Variants in LHFPL3 observed in about 807,000 individuals in gnomAD.
The protein encoded by LHFPL3 is LHFPL tetraspan subfamily member 3.
In LHFPL3, 5 loss-of-function variants were observed where a neutral mutation model predicts 19.3. That is an observed-to-expected ratio of 0.26 (90% confidence interval 0.14 to 0.54). The LOEUF (loss-of-function observed/expected upper bound fraction) is 0.54. Among genes scored for constraint, LHFPL3 ranks in the 20% least tolerant of loss-of-function variants. LHFPL3 has a pLI of 0.94. For synonymous variants in LHFPL3, 133 were observed against 126.2 expected (o/e 1.05, Z -0.36); for missense variants, 249 against 307.4 (o/e 0.81, Z 1.42).
At chr7:104,519,593 G>C (rs1187146034) in intron 1 of LHFPL3, among the ~76,000 whole-genome samples, 1 of 152,072 alleles carries the variant, frequency 6.6e-6, no homozygotes, top group Non-Finnish European at 1.5e-5. Context: ...TGGTTTGTTT[G>C]CTTAATTCAT....
intron 1 of LHFPL3, among the ~76,000 whole-genome samples, chr7:104,568,840 G>T (rs1378298781): frequency 6.6e-6 from 1 of 152,188 alleles, no homozygotes; most frequent in Non-Finnish European, 1.5e-5. Context: ...ACAATGCTCA[G>T]TTAGTTCTTC....
chr7:104,709,977 G>A, intron 1 of LHFPL3, among the ~76,000 whole-genome samples: 1 of 152,216 alleles, frequency 6.6e-6, no homozygotes, highest in Non-Finnish European at 1.5e-5. Context: ...CAGGCGGCTG[G>A]GAGGTGGAGG....
At chr7:104,857,127 A>G (rs1396166399) in intron 2 of LHFPL3, among the ~76,000 whole-genome samples, 1 of 152,184 alleles carries the variant, frequency 6.6e-6, no homozygotes, top group Non-Finnish European at 1.5e-5. Flanking sequence ...CGTTCATTGT[A>G]CACATGAGGA....
intron 1 of LHFPL3, among the ~76,000 whole-genome samples, chr7:104,595,274 A>G (rs1290302329): frequency 6.6e-6 from 1 of 152,150 alleles, no homozygotes. Context: ...TCTGTTTGTT[A>G]GTTTTCCTTG....
At chr7:104,806,108 T>G (rs2116489671) in intron 2 of LHFPL3, among the ~76,000 whole-genome samples, 1 of 152,352 alleles carries the variant, frequency 6.6e-6, no homozygotes, top group African/African-American at 2.4e-5. Flanking sequence ...GAAACAGTTC[T>G]GTCTGTCACA....
intron 1 of LHFPL3, among the ~76,000 whole-genome samples, chr7:104,519,646 T>C (rs1794003441): frequency 6.6e-6 from 1 of 152,138 alleles, no homozygotes; most frequent in Non-Finnish European, 1.5e-5. Flanking sequence ...GAAGAAAACA[T>C]TTTTATTCTT....
chr7:104,734,932 T>G (rs1006990298), intron 1 of LHFPL3, among the ~76,000 whole-genome samples: 2 of 152,228 alleles, frequency 1.3e-5, no homozygotes, highest in Non-Finnish European at 2.9e-5. Context: ...GTTTTCCTTT[T>G]AACAGTCAGG....
intron 2 of LHFPL3, among the ~76,000 whole-genome samples, chr7:104,817,276 T>C (rs147296831): frequency 2.5e-4 from 38 of 152,338 alleles, no homozygotes; most frequent in African/African-American, 8.9e-4. Context: ...ATTTATGTGT[T>C]GAGCAAAGGC....
At chr7:104,389,444 A>G (rs1357268372) in intron 1 of LHFPL3, among the ~76,000 whole-genome samples, 1 of 152,178 alleles carries the variant, frequency 6.6e-6, no homozygotes, top group Non-Finnish European at 1.5e-5. Flanking sequence ...ATGCTTCCTT[A>G]AATAACCTAC....
At chr7:104,368,475 G>A (rs1790539631) in intron 1 of LHFPL3, among the ~76,000 whole-genome samples, 1 of 152,150 alleles carries the variant, frequency 6.6e-6, no homozygotes, top group African/African-American at 2.4e-5. Flanking sequence ...TGAATGCAGT[G>A]GATGAGGTAG....
chr7:104,885,622 A>T (rs1295518366), intron 2 of LHFPL3, among the ~76,000 whole-genome samples: 1 of 151,696 alleles, frequency 6.6e-6, no homozygotes, highest in Non-Finnish European at 1.5e-5. Flanking sequence ...CACCACTTCA[A>T]CCACTCCCAG....
chr7:104,386,512 A>G (rs13233951), intron 1 of LHFPL3, among the ~76,000 whole-genome samples: 11,905 of 152,276 alleles, frequency 0.078, 500 homozygotes, highest in Middle Eastern at 0.1. Context: ...TTCCATCCCT[A>G]AGGCTCTAGA....
intron 1 of LHFPL3, among the ~76,000 whole-genome samples, chr7:104,499,801 A>C (rs1793565446): frequency 6.6e-6 from 1 of 152,236 alleles, no homozygotes. Context: ...ATTTAACCCC[A>C]AAACTATATA....
chr7:104,779,776 G>A (rs951939985), intron 2 of LHFPL3, among the ~76,000 whole-genome samples: 1 of 152,250 alleles, frequency 6.6e-6, no homozygotes, highest in South Asian at 2.1e-4. Flanking sequence ...AGAACTTGAT[G>A]GAGATGCAGG....
chr7:104,456,257 C>T (rs140367040), intron 1 of LHFPL3, among the ~76,000 whole-genome samples: 4 of 152,160 alleles, frequency 2.6e-5, no homozygotes, highest in South Asian at 2.1e-4. Context: ...AAGATAGAGC[C>T]GTCAGCTGCT....
intron 1 of LHFPL3, among the ~76,000 whole-genome samples, chr7:104,339,406 A>G (rs1344482820): frequency 6.6e-6 from 1 of 152,232 alleles, no homozygotes; most frequent in African/African-American, 2.4e-5. Context: ...TACTCAAAAG[A>G]ACTTGTTCAA....
At chr7:104,799,789 G>A (rs1037171272) in intron 2 of LHFPL3, 44 of 153,210 alleles carry the variant, frequency 2.9e-4, no homozygotes, top group African/African-American at 1.1e-3. Flanking sequence ...ACTGTGCCCT[G>A]AAGAACCTCA....
intron 1 of LHFPL3, among the ~76,000 whole-genome samples, chr7:104,588,645 T>C (rs1421779967): frequency 6.6e-6 from 1 of 152,332 alleles, no homozygotes; most frequent in South Asian, 2.1e-4. Flanking sequence ...TTTTTCCAAT[T>C]CTGTGAAGAA....
intron 1 of LHFPL3, among the ~76,000 whole-genome samples, chr7:104,476,694 A>G (rs1294814892): frequency 6.6e-6 from 1 of 152,164 alleles, no homozygotes; most frequent in Non-Finnish European, 1.5e-5. Flanking sequence ...TCCCTTCCTC[A>G]GGTGATCTGC....
Sources: allele counts gnomAD v4.1 joint callset (sites outside exome capture counted in the v4.1 genomes callset), GRCh38; gene constraint gnomAD v4.1.1; transcripts MANE v1.5; gene names NCBI Gene and HGNC (gene_info 2026-07-23, HGNC 2026-07-21).